ITFG1: variants seen among roughly 807,000 people sequenced by gnomAD.
The protein encoded by ITFG1 is T-cell immunomodulatory protein.
ITFG1 carries 34 observed loss-of-function variants against 81.8 expected under a neutral mutation model. That is an observed-to-expected ratio of 0.42 (90% CI 0.32 to 0.55). The LOEUF (loss-of-function observed/expected upper bound fraction) is 0.55, where lower values mean the gene tolerates loss of function less well. ITFG1 is among the 20% of genes least tolerant of loss of function. ITFG1 has a pLI of 0.17. For synonymous variants in ITFG1, 285 were observed against 270.6 expected (o/e 1.05, Z -0.52); for missense variants, 672 against 755.4 (o/e 0.89, Z 1.29).
chr16:47,424,010 T>A (rs2151607814), intron 6 of ITFG1, among the ~76,000 whole-genome samples: 1 of 152,340 alleles, frequency 6.6e-6, no homozygotes, highest in South Asian at 2.1e-4. Context: ...CTGGATAATA[T>A]CCTGAAGAGT....
At chr16:47,381,221 C>A (rs948876683) in intron 6 of ITFG1, among the ~76,000 whole-genome samples, 1 of 152,000 alleles carries the variant, frequency 6.6e-6, no homozygotes, top group Non-Finnish European at 1.5e-5. Context: ...TAGAAAAACT[C>A]AAAACAAAGC....
At chr16:47,296,115 T>C (rs1252596817) in intron 10 of ITFG1, among the ~76,000 whole-genome samples, 1 of 148,778 alleles carries the variant, frequency 6.7e-6, no homozygotes, top group Non-Finnish European at 1.5e-5. Context: ...TTTTAAATTG[T>C]TCGTAGAGGT....
At chr16:47,291,241 C>T (rs759486176) in intron 10 of ITFG1, among the ~76,000 whole-genome samples, 5 of 152,132 alleles carry the variant, frequency 3.3e-5, no homozygotes, top group Non-Finnish European at 5.9e-5. Flanking sequence ...TACATCATCC[C>T]ACTCATTCAT....
Position 47,163,948 on chromosome 16 carries a change from CACACAT to C in ITFG1, c.1454-1290_1454-1285del, listed in dbSNP as rs1357509982. ...ACACACACACACACACACACACACA[CACACAT>C]ACACACACACACACACCAATTAAGT... On this transcript the variant is annotated intron_variant, in intron 14 of 17. Coordinates refer to ENST00000320640, the MANE Select transcript of ITFG1 (RefSeq NM_030790.5). Among the ~76,000 whole-genome samples the C allele has an allele frequency of 2.1e-3, 319 of 148,784 alleles. 3 individuals are homozygous for C. Among genetic ancestry groups the C allele is most frequent in the African/African-American group, 7.4e-3 (293 of 39,758 alleles).
intron 8 of ITFG1, among the ~76,000 whole-genome samples, chr16:47,363,732 C>A (rs1042933024): frequency 6.6e-6 from 1 of 152,110 alleles, no homozygotes; most frequent in African/African-American, 2.4e-5. Context: ...ATTATTCTAG[C>A]CACATAACAA....
At chr16:47,406,721 G>A (rs1275791955) in intron 6 of ITFG1, among the ~76,000 whole-genome samples, 1 of 152,162 alleles carries the variant, frequency 6.6e-6, no homozygotes, top group African/African-American at 2.4e-5. Flanking sequence ...AGGTGAAAGG[G>A]CTTTGAAGAA....
intron 14 of ITFG1, among the ~76,000 whole-genome samples, chr16:47,198,882 A>T (rs1965389077): frequency 6.6e-6 from 1 of 152,236 alleles, no homozygotes; most frequent in African/African-American, 2.4e-5. Context: ...AGTTATTACA[A>T]AAGGGTCAAA....
intron 13 of ITFG1, among the ~76,000 whole-genome samples, chr16:47,226,116 C>T (rs1226542787): frequency 6.6e-6 from 1 of 152,186 alleles, no homozygotes; most frequent in African/African-American, 2.4e-5. Flanking sequence ...AAAGTTTTTA[C>T]AAGCTACTAA....
At chr16:47,282,028 A>G (rs1318059918) in intron 10 of ITFG1, among the ~76,000 whole-genome samples, 3 of 151,850 alleles carry the variant, frequency 2.0e-5, no homozygotes, top group Admixed American at 6.6e-5. Flanking sequence ...AATATATACT[A>G]TTTGTATACA....
At chr16:47,200,356 A>G (rs1010673883) in intron 14 of ITFG1, among the ~76,000 whole-genome samples, 1 of 152,352 alleles carries the variant, frequency 6.6e-6, no homozygotes, top group Non-Finnish European at 1.5e-5. Context: ...ATTCATTTGT[A>G]CATTTCTACA....
At chr16:47,402,796 T>A (rs925149970) in intron 6 of ITFG1, among the ~76,000 whole-genome samples, 1 of 152,214 alleles carries the variant, frequency 6.6e-6, no homozygotes, top group Non-Finnish European at 1.5e-5. Flanking sequence ...TATCTTTGCA[T>A]AGGACCAAAG....
intron 14 of ITFG1, among the ~76,000 whole-genome samples, chr16:47,191,609 A>G (rs1343944292): frequency 1.3e-5 from 2 of 152,150 alleles, no homozygotes; most frequent in Non-Finnish European, 2.9e-5. Context: ...CCTGGGTTCA[A>G]ATGATTCTCC....
At chr16:47,162,828 CT>C in intron 14 of ITFG1, 164 bp from the exon 15 acceptor site, 5 of 597,314 alleles carry the variant, frequency 8.4e-6, no homozygotes, top group Non-Finnish European at 8.2e-6. Flanking sequence ...TCACTTTTTT[CT>C]TTTTTTGAGA....
chr16:47,166,948 T>C (rs951830020), intron 14 of ITFG1, among the ~76,000 whole-genome samples: 7 of 152,224 alleles, frequency 4.6e-5, no homozygotes, highest in African/African-American at 1.7e-4. Flanking sequence ...AGTCCATTCT[T>C]ATTTTCTAAT....
At position 47,451,404 on chromosome 16, in the gene ITFG1, T is replaced by C. The variant is rs34514482; in HGVS notation, c.552A>G (p.Leu184=). The change falls in exon 5 of 18, where the codon CTA becomes CTG. Residue 184 remains leucine (L), a synonymous_variant. Transcript: ENST00000320640. ...ITNESNQPQI[L]LGGNLSWHPA... ...TAACCATATTTACTCACCCTCCTAA[T>C]AGTATCTGTGGCTGGTTGGATTCAT... The C allele has an allele frequency of 7.8e-4, 1,195 of 1,541,786 alleles. 9 individuals are homozygous for C. In the African/African-American group the frequency reaches 0.014, roughly 18 times the overall value.
chr16:47,430,844 T>G (rs1969086594), intron 5 of ITFG1, among the ~76,000 whole-genome samples: 1 of 152,180 alleles, frequency 6.6e-6, no homozygotes. Context: ...TAATTAAAAA[T>G]AAGTAAACAA....
At chr16:47,290,567 CTT>C (rs1434495020) in intron 10 of ITFG1, among the ~76,000 whole-genome samples, 1 of 152,012 alleles carries the variant, frequency 6.6e-6, no homozygotes, top group Non-Finnish European at 1.5e-5. Flanking sequence ...ATAATAATTA[CTT>C]TGTCTGTTTT....
At chr16:47,291,181 T>C (rs933187245) in intron 10 of ITFG1, among the ~76,000 whole-genome samples, 1 of 152,226 alleles carries the variant, frequency 6.6e-6, no homozygotes, top group African/African-American at 2.4e-5. Context: ...AGTTACAGTA[T>C]TCTCGGTCGT....
intron 8 of ITFG1, among the ~76,000 whole-genome samples, chr16:47,326,646 G>C (rs986044834): frequency 1.1e-4 from 16 of 152,232 alleles, no homozygotes; most frequent in African/African-American, 3.1e-4. Flanking sequence ...CAAAATCAAT[G>C]TGCAAAAATC....
Sources: gnomAD v4.1 joint callset for allele counts (sites outside exome capture counted in the v4.1 genomes callset) on GRCh38, gnomAD v4.1.1 for gene constraint, MANE v1.5 for transcripts, NCBI Gene and HGNC (gene_info 2026-07-23, HGNC 2026-07-21) for gene names.